PCDH15: variants seen among roughly 807,000 people sequenced by gnomAD.
PCDH15 encodes the protein protocadherin-15.
Under a neutral mutation model 178.5 loss-of-function variants are expected in PCDH15, and 129 were observed. That is an observed-to-expected ratio of 0.72 (90% CI 0.63 to 0.84). The LOEUF (loss-of-function observed/expected upper bound fraction) is 0.84, where lower values mean the gene tolerates loss of function less well. PCDH15 is among the 40% of genes least tolerant of loss of function. PCDH15 has a pLI of 0.00. For synonymous variants in PCDH15, 800 were observed against 732.0 expected (o/e 1.09, Z -1.50); for missense variants, 2,230 against 2,099.9 (o/e 1.06, Z -1.21).
chr10:54,497,721 G>A (rs1020843964), intron 3 of PCDH15, among the ~76,000 whole-genome samples: 2 of 151,984 alleles, frequency 1.3e-5, no homozygotes, highest in African/African-American at 4.8e-5. Flanking sequence ...CTTGAAGACT[G>A]TACCTTCTAA....
At chr10:55,610,530 G>A (rs1843345035) in intron 2 of PCDH15, among the ~76,000 whole-genome samples, 1 of 152,042 alleles carries the variant, frequency 6.6e-6, no homozygotes, top group Admixed American at 6.6e-5. Context: ...TAAAGGATAA[G>A]TACGAGTCAT....
At chr10:54,376,067 T>C (rs1017795481) in intron 4 of PCDH15, among the ~76,000 whole-genome samples, 1 of 151,030 alleles carries the variant, frequency 6.6e-6, no homozygotes, top group Non-Finnish European at 1.5e-5. Flanking sequence ...GGATAAGTTT[T>C]GGACTTTAGT....
chr10:54,370,205 T>A (rs934155699), intron 4 of PCDH15, among the ~76,000 whole-genome samples: 1 of 151,968 alleles, frequency 6.6e-6, no homozygotes, highest in African/African-American at 2.4e-5. Context: ...TATTGACCAC[T>A]ACAAAGTATT....
intron 2 of PCDH15, among the ~76,000 whole-genome samples, chr10:54,574,515 A>G (rs933969220): frequency 4.0e-5 from 6 of 151,752 alleles, no homozygotes; most frequent in Non-Finnish European, 7.4e-5. Flanking sequence ...TTCTCAAAAG[A>G]AGACATTTAT....
intron 1 of PCDH15, among the ~76,000 whole-genome samples, chr10:55,284,732 T>TAA (rs752335928): frequency 7.4e-4 from 112 of 152,150 alleles, no homozygotes; most frequent in Non-Finnish European, 1.4e-3. Flanking sequence ...CTATTTAAGT[T>TAA]TTCACGTCAC....
At chr10:55,362,981 T>C (rs1419331012) in intron 2 of PCDH15, among the ~76,000 whole-genome samples, 1 of 152,198 alleles carries the variant, frequency 6.6e-6, no homozygotes, top group Non-Finnish European at 1.5e-5. Flanking sequence ...AAATTTCTCA[T>C]AATGTTTTAA....
At chr10:54,003,394 C>T (rs1454886828) in intron 20 of PCDH15, among the ~76,000 whole-genome samples, 2 of 151,448 alleles carry the variant, frequency 1.3e-5, no homozygotes, top group Admixed American at 1.3e-4. Flanking sequence ...AGAGAAGACC[C>T]AAATAAATAA....
intron 6 of PCDH15, among the ~76,000 whole-genome samples, chr10:54,336,460 G>A (rs1941160012): frequency 6.6e-6 from 1 of 152,114 alleles, no homozygotes; most frequent in Admixed American, 6.6e-5. Context: ...TCCGTGTGCA[G>A]CCTAGGAACT....
rs145994526 is a variant in PCDH15 at position 55,259,115 on chromosome 10, C to T, written c.-156+60484G>A. 7.6e-3 allele frequency among the ~76,000 whole-genome samples: 1,151 copies of T among 152,240 alleles called. 11 individuals carry two copies. The highest frequency in any genetic ancestry group is 0.026 in the African/African-American group (1,077 of 41,540). On this transcript the variant is annotated intron_variant, in intron 1 of 5. Coordinates refer to the PCDH15 transcript ENST00000458638. ...TCTTCCTTGGCAAAAATCATTGTCT[C>T]ACTAATCAGCTTTCTGTGTGGCTAG...
At chr10:54,993,597 G>T (rs1839563718) in intron 2 of PCDH15, among the ~76,000 whole-genome samples, 1 of 152,004 alleles carries the variant, frequency 6.6e-6, no homozygotes, top group African/African-American at 2.4e-5. Flanking sequence ...CACTGAATTT[G>T]AGTAGCTGAT....
intron 3 of PCDH15, among the ~76,000 whole-genome samples, chr10:54,439,228 A>G (rs2075639324): frequency 6.6e-6 from 1 of 152,132 alleles, no homozygotes; most frequent in African/African-American, 2.4e-5. Context: ...ATGTTAGTTG[A>G]CATGTGGCTA....
chr10:54,644,825 G>T (rs773773473), intron 2 of PCDH15, among the ~76,000 whole-genome samples: 1 of 152,074 alleles, frequency 6.6e-6, no homozygotes, highest in African/African-American at 2.4e-5. Flanking sequence ...TGTCATGAGG[G>T]CTGTGCACTC....
At chr10:54,568,858 T>C (rs1424565414) in intron 2 of PCDH15, among the ~76,000 whole-genome samples, 2 of 152,074 alleles carry the variant, frequency 1.3e-5, no homozygotes, top group Non-Finnish European at 2.9e-5. Flanking sequence ...AATTGTAAAC[T>C]CAATCATCAA....
chr10:54,676,536 AAAAAC>A (rs1399175175), intron 1 of PCDH15, among the ~76,000 whole-genome samples: 3 of 152,190 alleles, frequency 2.0e-5, no homozygotes, highest in African/African-American at 7.2e-5. Context: ...TTTAAAAAAC[AAAAAC>A]AAAAGATTGA....
At chr10:54,789,517 A>G (rs1951193109) in intron 1 of PCDH15, among the ~76,000 whole-genome samples, 1 of 151,962 alleles carries the variant, frequency 6.6e-6, no homozygotes, top group Non-Finnish European at 1.5e-5. Flanking sequence ...AGCAATTAAC[A>G]TATACTTTGG....
At chr10:54,209,230 G>A (rs1002996160) in intron 10 of PCDH15, among the ~76,000 whole-genome samples, 1 of 151,990 alleles carries the variant, frequency 6.6e-6, no homozygotes, top group Non-Finnish European at 1.5e-5. Context: ...GGGGCAAATT[G>A]TAAATTGGCT....
Position 53,950,770 on chromosome 10 carries a change from T to C in PCDH15, c.3122+8962A>G, listed in dbSNP as rs1432744595. ...CAAGTAGTATGTGTTTGAACTACTA[T>C]TAGGATTTTGCTATTTCTGTAGGGT... On this transcript the variant is annotated intron_variant, in intron 23 of 37. Coordinates refer to ENST00000644397, the MANE Select transcript of PCDH15 (RefSeq NM_001384140.1). 3.3e-5 allele frequency among the ~76,000 whole-genome samples: 5 copies of C among 152,190 alleles called. No individual in the cohort carries two copies. In the South Asian group the frequency reaches 1.0e-3, roughly 32 times the overall value.
At chr10:55,402,390 T>C (rs1451377823) in intron 2 of PCDH15, among the ~76,000 whole-genome samples, 6 of 152,064 alleles carry the variant, frequency 3.9e-5, no homozygotes, top group Non-Finnish European at 8.8e-5. Flanking sequence ...TCCTCTTTTC[T>C]AGCTATTTTG....
chr10:55,055,755 G>C (rs1357221066), intron 2 of PCDH15, among the ~76,000 whole-genome samples: 1 of 152,098 alleles, frequency 6.6e-6, no homozygotes, highest in African/African-American at 2.4e-5. Flanking sequence ...GTTGCAGTGA[G>C]TCAAGATTGT....
Sources: allele counts gnomAD v4.1 joint callset (sites outside exome capture counted in the v4.1 genomes callset), GRCh38; gene constraint gnomAD v4.1.1; transcripts MANE v1.5; gene names NCBI Gene and HGNC (gene_info 2026-07-23, HGNC 2026-07-21).